Variants in CLYBL observed in about 807,000 individuals in gnomAD.
CLYBL encodes the protein citramalyl-CoA lyase, mitochondrial.
In CLYBL, 31 loss-of-function variants were observed where a neutral mutation model predicts 38.9. The ratio of observed to expected loss-of-function variants is 0.80; its 90% CI spans 0.60 to 1.08. CLYBL has a LOEUF of 1.08. CLYBL is among the 50% of genes least tolerant of loss of function. The pLI is 0.00. For missense variants in CLYBL, 434 were observed against 411.6 expected (o/e 1.05, Z -0.47); for synonymous variants, 171 against 158.6 (o/e 1.08, Z -0.59).
chr13:99,814,491 G>A (rs1333679293), intron 2 of CLYBL, among the ~76,000 whole-genome samples: 2 of 152,222 alleles, frequency 1.3e-5, no homozygotes, highest in African/African-American at 4.8e-5. Context: ...GGGAGGCCAA[G>A]GCAAGAGGAT....
At chr13:99,716,999 C>T (rs1038482263) in intron 1 of CLYBL, among the ~76,000 whole-genome samples, 5 of 151,180 alleles carry the variant, frequency 3.3e-5, no homozygotes, top group Admixed American at 3.3e-4. Flanking sequence ...CCATGTTGGT[C>T]AGGCTGGTCT....
intron 6 of CLYBL, among the ~76,000 whole-genome samples, chr13:99,867,661 A>G (rs1231188143): frequency 6.6e-6 from 1 of 152,136 alleles, no homozygotes; most frequent in Non-Finnish European, 1.5e-5. Flanking sequence ...CCTCTTTCCA[A>G]CGGCTGGTTA....
At chr13:99,718,741 A>G (rs1489142862) in intron 1 of CLYBL, among the ~76,000 whole-genome samples, 1 of 152,188 alleles carries the variant, frequency 6.6e-6, no homozygotes, top group Non-Finnish European at 1.5e-5. Flanking sequence ...TGTTCTTTTT[A>G]TCATTAGATA....
intron 1 of CLYBL, among the ~76,000 whole-genome samples, chr13:99,650,657 C>T (rs960105216): frequency 3.9e-5 from 6 of 152,152 alleles, no homozygotes; most frequent in Non-Finnish European, 7.4e-5. Flanking sequence ...CACCTTTCCT[C>T]GTCCTGTAGC....
At chr13:99,821,131 T>A (rs1405854962) in intron 2 of CLYBL, among the ~76,000 whole-genome samples, 1 of 152,198 alleles carries the variant, frequency 6.6e-6, no homozygotes, top group East Asian at 1.9e-4. Flanking sequence ...TTTGAGGGAA[T>A]TGATTGGGGT....
intron 9 of CLYBL, among the ~76,000 whole-genome samples, chr13:99,907,789 G>T (rs915363683): frequency 2.6e-5 from 4 of 152,192 alleles, no homozygotes; most frequent in African/African-American, 9.7e-5. Flanking sequence ...GAGCTCAGGA[G>T]TTTGAGGCCA....
chr13:99,742,200 C>T (rs1388553857), intron 1 of CLYBL, among the ~76,000 whole-genome samples: 1 of 152,222 alleles, frequency 6.6e-6, no homozygotes, highest in Admixed American at 6.5e-5. Context: ...CACTCATCAA[C>T]TGCTTCTAGG....
At chr13:99,742,991 G>T (rs1044182861) in intron 1 of CLYBL, among the ~76,000 whole-genome samples, 4 of 150,788 alleles carry the variant, frequency 2.7e-5, no homozygotes, top group African/African-American at 9.7e-5. Context: ...TTTACAATTT[G>T]CACTAGAAGA....
chr13:99,612,949 G>A (rs886085990), intron 1 of CLYBL, among the ~76,000 whole-genome samples: 1 of 151,616 alleles, frequency 6.6e-6, no homozygotes, highest in Non-Finnish European at 1.5e-5. Context: ...TGGGGATTTG[G>A]GGTTTCAGTG....
At chr13:99,769,951 C>G (rs2049347059) in intron 1 of CLYBL, among the ~76,000 whole-genome samples, 1 of 152,180 alleles carries the variant, frequency 6.6e-6, no homozygotes, top group Non-Finnish European at 1.5e-5. Flanking sequence ...ATAGTGTTAA[C>G]TACTGATGTC....
intron 1 of CLYBL, among the ~76,000 whole-genome samples, chr13:99,673,271 G>A (rs746432783): frequency 1.3e-5 from 2 of 152,012 alleles, no homozygotes; most frequent in Admixed American, 6.6e-5. Flanking sequence ...AAATTAGCCG[G>A]GCATGGTGGC....
At chr13:99,831,187 A>C (rs1036345475) in intron 2 of CLYBL, among the ~76,000 whole-genome samples, 1 of 152,200 alleles carries the variant, frequency 6.6e-6, no homozygotes, top group Non-Finnish European at 1.5e-5. Flanking sequence ...CCCTGCACAC[A>C]CCTCAAGTCC....
At chr13:99,771,515 C>A (rs1452144474) in intron 1 of CLYBL, among the ~76,000 whole-genome samples, 1 of 152,206 alleles carries the variant, frequency 6.6e-6, no homozygotes, top group Non-Finnish European at 1.5e-5. Context: ...TCTGCATTTT[C>A]ATTTTCACCG....
At chr13:99,668,996 A>G (rs1338671785) in intron 1 of CLYBL, among the ~76,000 whole-genome samples, 1 of 146,654 alleles carries the variant, frequency 6.8e-6, no homozygotes, top group East Asian at 2.0e-4. Context: ...GTGACTTTAT[A>G]GGCCCTCAGC....
intron 1 of CLYBL, among the ~76,000 whole-genome samples, chr13:99,754,748 C>CTT (rs35982336): frequency 0.31 from 38,864 of 124,198 alleles, 6,902 homozygotes; most frequent in East Asian, 0.66. Context: ...CCATGCCCAG[C>CTT]TTTTTTTTTT....
chr13:99,802,761 C>A (rs1348491247), intron 2 of CLYBL, among the ~76,000 whole-genome samples: 1 of 152,174 alleles, frequency 6.6e-6, no homozygotes, highest in Non-Finnish European at 1.5e-5. Flanking sequence ...GCCCAGCATC[C>A]TTGGGTCTTG....
chr13:99,755,696 A>G (rs1377725472), intron 1 of CLYBL, among the ~76,000 whole-genome samples: 1 of 152,078 alleles, frequency 6.6e-6, no homozygotes, highest in Non-Finnish European at 1.5e-5. Flanking sequence ...TCTGTGCCCC[A>G]CGTTGATGCA....
downstream of CLYBL, chr13:99,894,270 T>G (rs1442485963): frequency 6.6e-6 from 1 of 152,196 alleles, no homozygotes; most frequent in East Asian, 1.9e-4. Context: ...GTGTGTGATC[T>G]CCACTGGGCT....
chr13:99,712,079 C>T (rs920856091), intron 1 of CLYBL, among the ~76,000 whole-genome samples: 7 of 152,144 alleles, frequency 4.6e-5, no homozygotes, highest in African/African-American at 1.4e-4. Context: ...AAAGGCCTCA[C>T]CTCCACATTT....
Sources: allele counts gnomAD v4.1 joint callset (sites outside exome capture counted in the v4.1 genomes callset), GRCh38; gene constraint gnomAD v4.1.1; transcripts MANE v1.5; gene names NCBI Gene and HGNC (gene_info 2026-07-23, HGNC 2026-07-21).